BLACAT1: variants seen among roughly 807,000 people sequenced by gnomAD.
BLACAT1 encodes bladder cancer associated transcript 1.
At chr1:205,451,948 G>A (rs574295354) in intron 1 of BLACAT1, among the ~76,000 whole-genome samples, 3 of 152,208 alleles carry the variant, frequency 2.0e-5, no homozygotes, top group Non-Finnish European at 4.4e-5. Flanking sequence ...AAAGCAGAGA[G>A]CCAGAAAAGA....
chr1:205,439,185 A>G (rs2102462527), downstream of BLACAT1, among the ~76,000 whole-genome samples: 1 of 152,308 alleles, frequency 6.6e-6, no homozygotes, highest in African/African-American at 2.4e-5. Context: ...ACTATCCAAG[A>G]GGACAAAGAA....
In BLACAT1 at chr1:205,448,609, C is replaced by T. The variant is rs1184621519; in HGVS notation, c.-37+7308G>A. Among the ~76,000 whole-genome samples, 1 of 152,148 alleles carries T rather than the reference C, an allele frequency of 6.6e-6. No individual in the cohort carries two copies. The highest frequency in any genetic ancestry group is 1.5e-5 in the Non-Finnish European group (1 of 68,024). On this transcript the variant is annotated intron_variant, in intron 1 of 1. Transcript: ENST00000629624. The surrounding 1 kb of genome is among the most constrained non-coding windows in gnomAD (Gnocchi z 4.7). ...GTTTCCAGTTCTTGCCCTACAAAGG[C>T]CTCACACAATGGTCCTCACTCCAGG...
At chr1:205,442,526 A>C (rs1300361639) in intron 1 of BLACAT1, among the ~76,000 whole-genome samples, 2 of 152,140 alleles carry the variant, frequency 1.3e-5, no homozygotes, top group Non-Finnish European at 2.9e-5. Flanking sequence ...TGCCCGGTGG[A>C]TCCAAGTCCT....
In BLACAT1 at chr1:205,441,834, G is replaced by A. The variant is rs914606434; in HGVS notation, c.-36-772C>T. On this transcript the variant is annotated intron_variant, in intron 1 of 1. Coordinates refer to ENST00000629624, the Ensembl canonical transcript of BLACAT1. The surrounding 1 kb of genome is among the most constrained non-coding windows in gnomAD (Gnocchi z 4.3). ...ACATAAGTCTGAGGTAGAGGCTGAG[G>A]CTGGATCTGCCCCAGCTGGACACGC... Among the ~76,000 whole-genome samples the A allele has an allele frequency of 1.3e-5, 2 of 152,194 alleles. No homozygotes were observed. Among genetic ancestry groups the A allele is most frequent in the African/African-American group, 4.8e-5 (2 of 41,454 alleles).
At chr1:205,438,508 G>A (rs1457350364), downstream of BLACAT1, among the ~76,000 whole-genome samples, 1 of 152,250 alleles carries the variant, frequency 6.6e-6, no homozygotes, top group African/African-American at 2.4e-5. Context: ...AGGGCCTAGA[G>A]GAGGGCACAG....
intron 1 of BLACAT1, among the ~76,000 whole-genome samples, chr1:205,454,037 C>T (rs1182011699): frequency 2.0e-5 from 3 of 152,184 alleles, no homozygotes; most frequent in African/African-American, 4.8e-5. Flanking sequence ...CTGGGCTCTC[C>T]CAAGCCCCTG....
At chr1:205,436,002 G>A (rs1360276109), downstream of BLACAT1, 1 of 152,280 alleles carries the variant, frequency 6.6e-6, no homozygotes, top group Non-Finnish European at 1.5e-5. Context: ...AACAGAGAAA[G>A]TTAGAGCTTT....
chr1:205,455,332 A>T (rs537576551), intron 1 of BLACAT1, among the ~76,000 whole-genome samples: 26 of 152,268 alleles, frequency 1.7e-4, no homozygotes, highest in Admixed American at 1.1e-3. Context: ...GTCTCCTCTA[A>T]GCCTGGGACC....
intron 1 of BLACAT1, among the ~76,000 whole-genome samples, chr1:205,453,842 G>T (rs1296126038): frequency 6.6e-6 from 1 of 152,174 alleles, no homozygotes; most frequent in Non-Finnish European, 1.5e-5. Flanking sequence ...AGCCAATAAA[G>T]CTGTTAAAGA....
At chr1:205,442,161 C>T (rs1212768116) in intron 1 of BLACAT1, among the ~76,000 whole-genome samples, 2 of 152,126 alleles carry the variant, frequency 1.3e-5, no homozygotes. Context: ...GGAGGTCAGG[C>T]CGGGGCCTGG....
downstream of BLACAT1, chr1:205,437,715 C>T (rs1046738417): frequency 1.3e-5 from 2 of 152,218 alleles, no homozygotes; most frequent in African/African-American, 4.8e-5. Flanking sequence ...GCCCTGGACT[C>T]CAAAGGAGAC....
downstream of BLACAT1, among the ~76,000 whole-genome samples, chr1:205,439,325 G>T (rs1460674348): frequency 6.6e-6 from 1 of 152,206 alleles, no homozygotes; most frequent in Non-Finnish European, 1.5e-5. Context: ...TGTAGAAGGT[G>T]GGGGCTAGGA....
intron 1 of BLACAT1, among the ~76,000 whole-genome samples, chr1:205,446,681 G>T (rs1281465837): frequency 1.3e-5 from 2 of 152,210 alleles, no homozygotes; most frequent in Non-Finnish European, 2.9e-5. Flanking sequence ...TCAGAGCAGG[G>T]TAGGGAACAG....
intron 1 of BLACAT1, among the ~76,000 whole-genome samples, chr1:205,446,447 C>T (rs928883666): frequency 2.0e-5 from 3 of 152,340 alleles, no homozygotes; most frequent in South Asian, 4.1e-4. Context: ...CCTACAAAGT[C>T]CCTTGCCTTG....
chr1:205,435,718 T>A (rs1666194232), downstream of BLACAT1: 1 of 152,196 alleles, frequency 6.6e-6, no homozygotes, highest in African/African-American at 2.4e-5. Flanking sequence ...CATACCTGTG[T>A]AGGAAAAAAT....
At chr1:205,455,777 T>C (rs1666555773) in intron 1 of BLACAT1, 140 bp downstream of exon 1, 1 of 151,958 alleles carries the variant, frequency 6.6e-6, no homozygotes, top group South Asian at 2.1e-4. Context: ...ATCCCGCCCA[T>C]GCCTTAGGGA....
chr1:205,452,133 C>A (rs566179857), intron 1 of BLACAT1, among the ~76,000 whole-genome samples: 1 of 152,164 alleles, frequency 6.6e-6, no homozygotes, highest in African/African-American at 2.4e-5. Context: ...TCTGTAGTAA[C>A]AAGTCCCTTA....
At chr1:205,440,497 T>C (rs1389091201) in exon 2 of BLACAT1, 1 of 152,246 alleles carries the variant, frequency 6.6e-6, no homozygotes, top group African/African-American at 2.4e-5. Flanking sequence ...TGCTGGAAGT[T>C]CTCTGCTAGA....
chr1:205,444,126 C>T (rs1233296373), intron 1 of BLACAT1, among the ~76,000 whole-genome samples: 2 of 152,116 alleles, frequency 1.3e-5, no homozygotes, highest in Admixed American at 1.3e-4. Flanking sequence ...ACTCCCCTCC[C>T]ATCCTCCCCC....
Sources: gnomAD v4.1 joint callset for allele counts (sites outside exome capture counted in the v4.1 genomes callset) on GRCh38, gnomAD v4.1.1 for gene constraint, Gnocchi (gnomAD v3.1) non-coding constraint, MANE v1.5 for transcripts, NCBI Gene and HGNC (gene_info 2026-07-23, HGNC 2026-07-21) for gene names.